Variants in SLC10A7 observed in about 807,000 individuals in gnomAD.
SLC10A7 encodes the protein sodium/bile acid cotransporter 7.
Under a neutral mutation model 43.2 loss-of-function variants are expected in SLC10A7, and 29 were observed. That is an observed-to-expected ratio of 0.67 (90% confidence interval 0.50 to 0.92). The LOEUF is 0.92. SLC10A7 is among the 40% of genes least tolerant of loss of function. The pLI is 0.00. For synonymous variants in SLC10A7, 152 were observed against 144.8 expected (o/e 1.05, Z -0.35); for missense variants, 295 against 403.2 (o/e 0.73, Z 2.30).
intron 10 of SLC10A7, among the ~76,000 whole-genome samples, chr4:146,277,336 A>G (rs1041358929): frequency 6.6e-6 from 1 of 152,164 alleles, no homozygotes; most frequent in African/African-American, 2.4e-5. Flanking sequence ...TTTGATTGCA[A>G]AGTCTAGATA....
intron 1 of SLC10A7, among the ~76,000 whole-genome samples, chr4:146,520,292 C>A (rs951823363): frequency 6.6e-6 from 1 of 152,182 alleles, no homozygotes; most frequent in African/African-American, 2.4e-5. Flanking sequence ...ATTTGACAGA[C>A]CTGATCTTCA....
At chr4:146,377,155 T>C (rs1012544448) in intron 5 of SLC10A7, among the ~76,000 whole-genome samples, 2 of 152,226 alleles carry the variant, frequency 1.3e-5, no homozygotes, top group Admixed American at 6.5e-5. Flanking sequence ...TGAATAAATT[T>C]TGTTTTTAAG....
chr4:146,409,022 A>G (rs1727940964), intron 5 of SLC10A7, among the ~76,000 whole-genome samples: 1 of 152,182 alleles, frequency 6.6e-6, no homozygotes, highest in Non-Finnish European at 1.5e-5. Flanking sequence ...TTAAAAAACA[A>G]AAACTCTGAA....
At chr4:146,336,333 G>A (rs921531435) in intron 5 of SLC10A7, among the ~76,000 whole-genome samples, 3 of 152,032 alleles carry the variant, frequency 2.0e-5, no homozygotes, top group Non-Finnish European at 4.4e-5. Context: ...TAATAACTTG[G>A]CTTTGAGTGA....
At chr4:146,287,254 A>G (rs1730094466) in intron 9 of SLC10A7, among the ~76,000 whole-genome samples, 1 of 152,160 alleles carries the variant, frequency 6.6e-6, no homozygotes, top group Non-Finnish European at 1.5e-5. Context: ...TGTGTTTTCA[A>G]GAAATCTGGC....
intron 10 of SLC10A7, among the ~76,000 whole-genome samples, chr4:146,267,406 C>T (rs1728628378): frequency 6.6e-6 from 1 of 152,152 alleles, no homozygotes; most frequent in Non-Finnish European, 1.5e-5. Flanking sequence ...CTGGAACCTT[C>T]CAAAGGCTGG....
chr4:146,394,944 G>A (rs1579076621), intron 5 of SLC10A7, among the ~76,000 whole-genome samples: 1 of 152,208 alleles, frequency 6.6e-6, no homozygotes, highest in East Asian at 1.9e-4. Flanking sequence ...AACATTAAAA[G>A]GGAATATTGT....
In SLC10A7 at chr4:146,381,445, C is replaced by T. The variant is rs1737617326; in HGVS notation, c.436-55449G>A. On this transcript the variant is annotated intron_variant, in intron 5 of 11. Coordinates refer to ENST00000335472, the MANE Select transcript of SLC10A7 (RefSeq NM_001029998.6). ...TAATCACTCATTTCCCCTTTCAATC[C>T]GTCTCAATTACTGTTATGGGATGCT... 2.6e-5 allele frequency among the ~76,000 whole-genome samples: 4 copies of T among 152,048 alleles called. No individual in the cohort carries two copies. The South Asian group carries it at 8.3e-4, about 32-fold the overall frequency.
chr4:146,427,124 A>T (rs1357687354), intron 5 of SLC10A7, among the ~76,000 whole-genome samples: 1 of 152,064 alleles, frequency 6.6e-6, no homozygotes, highest in Non-Finnish European at 1.5e-5. Flanking sequence ...AGAACTAAGG[A>T]TTGTAGACCA....
intron 10 of SLC10A7, among the ~76,000 whole-genome samples, chr4:146,264,295 A>C (rs1728417626): frequency 6.6e-6 from 1 of 152,172 alleles, no homozygotes; most frequent in Non-Finnish European, 1.5e-5. Context: ...TTGGATGGAC[A>C]GTTTTTTATT....
chr4:146,395,655 T>A (rs1738774137), intron 5 of SLC10A7, among the ~76,000 whole-genome samples: 1 of 152,182 alleles, frequency 6.6e-6, no homozygotes, highest in African/African-American at 2.4e-5. Context: ...CAACATACAC[T>A]AACATCGGAC....
intron 4 of SLC10A7, among the ~76,000 whole-genome samples, chr4:146,479,653 A>G (rs1734301110): frequency 6.6e-6 from 1 of 152,162 alleles, no homozygotes; most frequent in Admixed American, 6.5e-5. Context: ...GAATGGGTAT[A>G]CAGTTTCAGC....
chr4:146,469,595 C>A lies in SLC10A7; in HGVS notation c.397-26774G>T, dbSNP rs528457227. Among the ~76,000 whole-genome samples, 10 of 152,192 alleles carry A rather than the reference C, an allele frequency of 6.6e-5. No homozygotes were observed. The East Asian group carries it at 1.7e-3, about 26-fold the overall frequency. ...ATCACCATCCTCAAGAACATTTCAA[C>A]CTATAAAGGAGTATTAGCATGTATA... On this transcript the variant is annotated intron_variant, in intron 4 of 11. Coordinates refer to ENST00000335472, the MANE Select transcript of SLC10A7 (RefSeq NM_001029998.6).
chr4:146,274,872 T>C (rs1729111886), intron 10 of SLC10A7, among the ~76,000 whole-genome samples: 1 of 152,180 alleles, frequency 6.6e-6, no homozygotes, highest in South Asian at 2.1e-4. Context: ...GTGGGGTATA[T>C]TGTGGCCAGT....
At chr4:146,367,293 T>C (rs925389859) in intron 5 of SLC10A7, among the ~76,000 whole-genome samples, 2 of 152,018 alleles carry the variant, frequency 1.3e-5, no homozygotes, top group Admixed American at 1.3e-4. Context: ...TCCAGTGCAG[T>C]GCTGTCCAAT....
At chr4:146,440,126 T>G (rs1730484492) in intron 5 of SLC10A7, among the ~76,000 whole-genome samples, 1 of 152,138 alleles carries the variant, frequency 6.6e-6, no homozygotes, top group African/African-American at 2.4e-5. Context: ...AGAAATCTAA[T>G]TTTTAGCTCG....
Position 146,432,006 on chromosome 4 carries a change from T to C in SLC10A7, c.435+10777A>G, listed in dbSNP as rs764872285. Among the ~76,000 whole-genome samples, 5 of 152,106 alleles carry C rather than the reference T, an allele frequency of 3.3e-5. 1 individual carries two copies. The highest frequency in any genetic ancestry group is 5.9e-5 in the Non-Finnish European group (4 of 68,004). Reference sequence around the variant, plus strand: ...TTGAACACACAGGCCACCAAAGATATACGGATGGCAAATAAGCACATAAAA... The same window carrying C: ...TTGAACACACAGGCCACCAAAGATACACGGATGGCAAATAAGCACATAAAA... On this transcript the variant is annotated intron_variant, in intron 5 of 11. Transcript: ENST00000335472.
At chr4:146,272,219 T>C (rs1001788838) in intron 10 of SLC10A7, among the ~76,000 whole-genome samples, 1 of 152,184 alleles carries the variant, frequency 6.6e-6, no homozygotes, top group Admixed American at 6.5e-5. Flanking sequence ...AGCAAACTTG[T>C]AGCAAAGGCA....
At chr4:146,461,000 A>C (rs968442602) in intron 4 of SLC10A7, among the ~76,000 whole-genome samples, 4 of 151,952 alleles carry the variant, frequency 2.6e-5, no homozygotes, top group African/African-American at 9.7e-5. Context: ...AAACCACCAA[A>C]TTTCTGTTAC....
Sources: allele counts gnomAD v4.1 joint callset (sites outside exome capture counted in the v4.1 genomes callset), GRCh38; gene constraint gnomAD v4.1.1; transcripts MANE v1.5; gene names NCBI Gene and HGNC (gene_info 2026-07-23, HGNC 2026-07-21).